DHX58: variants seen among roughly 807,000 people sequenced by gnomAD.
DHX58 encodes the protein ATP-dependent RNA helicase DHX58.
Under a neutral mutation model 65.0 loss-of-function variants are expected in DHX58, and 51 were observed. The ratio of observed to expected loss-of-function variants is 0.78; its 90% CI spans 0.63 to 0.99. The LOEUF (loss-of-function observed/expected upper bound fraction) is 0.99, where lower values mean the gene tolerates loss of function less well. Ranked by LOEUF, DHX58 falls within the 50% of genes least tolerant of loss-of-function variation. The pLI is 0.00. For synonymous variants in DHX58, 350 were observed against 365.0 expected (o/e 0.96, Z 0.47); for missense variants, 773 against 891.8 (o/e 0.87, Z 1.70).
In DHX58 at chr17:42,107,738, T is replaced by C; in HGVS notation, c.863A>G (p.Asn288Ser). 1 of 1,604,818 alleles carries C rather than the reference T, an allele frequency of 6.2e-7. No individual in the cohort carries two copies. The highest frequency in any genetic ancestry group is 8.5e-7 in the Non-Finnish European group (1 of 1,175,522). ...GGTGTCATGGATGAGCAGCGCGTCA[T>C]TGTAGCGCCTCAGGTGAAGCGCATA... ...RVYALHLRRY[N>S]DALLIHDTVR... is the part of the protein sequence containing the mutation. The change falls in exon 8 of 14, where the codon AAT becomes AGT. Residue 288 changes from asparagine to serine, a missense_variant. Physicochemically the swap from Asn to Ser is conservative, Grantham distance 46 (BLOSUM62 1). Coordinates refer to ENST00000251642, the MANE Select transcript of DHX58 (RefSeq NM_024119.3).
At position 42,101,581 on chromosome 17, in the gene DHX58, T is replaced by C; in HGVS notation, c.*180A>G. The C allele has an allele frequency of 2.7e-6, 2 of 732,768 alleles. No individual in the cohort carries two copies. Among genetic ancestry groups the C allele is most frequent in the Non-Finnish European group, 4.4e-6 (2 of 449,852 alleles). 45.4% of individuals were successfully genotyped at this position (732,768 alleles called of 1,614,324 possible). On this transcript the variant is annotated 3_prime_UTR_variant, in exon 14 of 14. Transcript: ENST00000251642. ...ATGTGCGTACAAGGTAGGTCTGGAC[T>C]AAGCTCTGGCCCTCCGGTTGTTTTC...
intron 8 of DHX58, 100 bp from the exon 9 acceptor site, chr17:42,106,089 G>A (rs2054053830): frequency 3.0e-6 from 4 of 1,325,950 alleles, no homozygotes; most frequent in Admixed American, 2.2e-5. Flanking sequence ...AGCCTAGGAG[G>A]TCAAGGCTGA....
intron 8 of DHX58, among the ~76,000 whole-genome samples, chr17:42,106,883 C>T (rs2054069827): frequency 6.6e-6 from 1 of 152,154 alleles, no homozygotes; most frequent in Admixed American, 6.5e-5. Context: ...TCATACAGTA[C>T]AGAACCTCAG....
intron 8 of DHX58, among the ~76,000 whole-genome samples, chr17:42,106,985 C>T (rs1357108365): frequency 3.9e-5 from 6 of 152,148 alleles, no homozygotes; most frequent in Admixed American, 1.3e-4. Flanking sequence ...CCAGCCTGTG[C>T]TGCGATTTGC....
intron 8 of DHX58, among the ~76,000 whole-genome samples, chr17:42,107,326 A>G (rs11868073): frequency 0.049 from 7,387 of 151,566 alleles, 193 homozygotes; most frequent in Non-Finnish European, 0.057. Flanking sequence ...TGATTGCACA[A>G]CTGTCCTCCA....
chr17:42,105,674 T>A, intron 9 of DHX58, 62 bp downstream of exon 9: 4 of 1,507,188 alleles, frequency 2.7e-6, no homozygotes, highest in Non-Finnish European at 3.5e-6. Context: ...AAGACCCTGT[T>A]CCCCGCACTT....
At chr17:42,105,430 C>T (rs899280532) in intron 9 of DHX58, among the ~76,000 whole-genome samples, 6 of 152,118 alleles carry the variant, frequency 3.9e-5, no homozygotes, top group African/African-American at 1.4e-4. Context: ...AAGCCATAGT[C>T]TTCTGCAAGG....
At chr17:42,106,650 A>T (rs1000173934) in intron 8 of DHX58, among the ~76,000 whole-genome samples, 15 of 151,660 alleles carry the variant, frequency 9.9e-5, no homozygotes, top group Admixed American at 8.5e-4. Context: ...ATACAAAAAA[A>T]TTAGCTGGGC....
chr17:42,101,739 G>A lies in DHX58; in HGVS notation c.*22C>T, dbSNP rs1555661554. On this transcript the variant is annotated 3_prime_UTR_variant, in exon 14 of 14. Coordinates refer to ENST00000251642, the MANE Select transcript of DHX58 (RefSeq NM_024119.3). ...TCTCCCGCCCCCTACAGCCCAAACC[G>A]GGCACTGCAGCAATGAGGTGGTCAG... 9 of 1,610,866 alleles carry A rather than the reference G, an allele frequency of 5.6e-6. No individual in the cohort carries two copies. Among genetic ancestry groups the A allele is most frequent in the South Asian group, 2.2e-5 (2 of 90,928 alleles).
In DHX58 at chr17:42,102,143, T is replaced by G. The variant is rs2053988673; in HGVS notation, c.1851+73A>C. ...GGTGGGACTGTCTCCCGTGTCCTAGTGAGGGCTCCCTGAGGGCCTCTGAAG... is the reference window on the plus strand; with the variant it reads ...GGTGGGACTGTCTCCCGTGTCCTAGGGAGGGCTCCCTGAGGGCCTCTGAAG... On this transcript the variant is annotated intron_variant, in intron 13 of 13. Transcript: ENST00000251642. 2.7e-5 allele frequency: 42 copies of G among 1,556,588 alleles called. 1 individual carries two copies. In the South Asian group the frequency reaches 4.6e-4, roughly 17 times the overall value.
rs2054162367 is a variant in DHX58 at position 42,111,894 on chromosome 17, C to G, written c.-1-1G>C. ...CCATTGGTAGGACCGAAGCTCCATT[C>G]TGGGAATGGCAGGGGACTCAGACCC... On this transcript the variant is annotated splice_acceptor_variant, in intron 2 of 13. Transcript: ENST00000251642. LOFTEE classifies it low-confidence loss of function (5UTR_SPLICE). 3 of 1,605,104 alleles carry G rather than the reference C, an allele frequency of 1.9e-6. No individual in the cohort carries two copies. Among genetic ancestry groups the G allele is most frequent in the Admixed American group, 1.7e-5 (1 of 59,462 alleles).
chr17:42,111,767 T>C lies in DHX58; in HGVS notation c.126A>G (p.Leu42=), dbSNP rs1555664360. 8.1e-6 allele frequency: 13 copies of C among 1,613,888 alleles called. No individual in the cohort carries two copies. The highest frequency in any genetic ancestry group is 1.6e-4 in the Middle Eastern group (1 of 6,084). ...RAAAYVAKRH[L]ETVDGAKVVV... ...CCACCTTGGCTCCATCCACAGTCTC[T>C]AGGTGCCGCTTGGCCACATAAGCAG... is the stretch of plus-strand genomic sequence containing the variant. The change falls in exon 3 of 14, where the codon CTA becomes CTG. Residue 42 remains leucine (L), a synonymous_variant. Transcript: ENST00000251642.
rs782296931 is a variant in DHX58, at chr17:42,104,854, C to T, written c.1475G>A (p.Arg492Gln). 4.3e-6 allele frequency: 7 copies of T among 1,614,068 alleles called. No homozygotes were observed. Among genetic ancestry groups the T allele is most frequent in the Non-Finnish European group, 4.2e-6 (5 of 1,180,040 alleles). Residue 492 changes from arginine (R) to glutamine (Q), a missense_variant, in exon 11 of 14, where the codon CGG becomes CAG. By Grantham distance (43) the Arg-to-Gln change is conservative. Coordinates refer to ENST00000251642, the MANE Select transcript of DHX58 (RefSeq NM_024119.3). ...CTCCAGCGCCTCGTTGATCAGCTCCCGCTTCAGCTCCCGGCTACCTTCAGT... is the reference window on the plus strand; with the variant it reads ...CTCCAGCGCCTCGTTGATCAGCTCCTGCTTCAGCTCCCGGCTACCTTCAGT... ...VATEGSRELK[R>Q]ELINEALETL...
intron 8 of DHX58, among the ~76,000 whole-genome samples, chr17:42,106,266 GAGAA>G (rs1240187015): frequency 1.5e-4 from 20 of 136,236 alleles, no homozygotes; most frequent in African/African-American, 4.7e-4. Flanking sequence ...GAAAGAGAGA[GAGAA>G]AGAGAGAAGG....
Position 42,104,781 on chromosome 17 carries a change from G to C in DHX58, c.1548C>G (p.Ala516=). Residue 516 remains alanine, a synonymous_variant, in exon 11 of 14, where the codon GCC becomes GCG. Coordinates refer to ENST00000251642, the MANE Select transcript of DHX58 (RefSeq NM_024119.3). Reference sequence around the variant, plus strand: ...GCCTGCAGACCTTGGCCTGGTACTCGGCCTGGTCCATTTTCTGCACAGCAG... The same window carrying C: ...GCCTGCAGACCTTGGCCTGGTACTCCGCCTGGTCCATTTTCTGCACAGCAG... ...AVAAVQKMDQ[A]EYQAKIRDLQ... 6.2e-7 allele frequency: 1 copy of C among 1,613,938 alleles called. No homozygotes were observed.
intron 11 of DHX58, 56 bp from the exon 12 acceptor site, chr17:42,103,854 G>A: frequency 6.5e-7 from 1 of 1,540,642 alleles, no homozygotes; most frequent in Non-Finnish European, 8.7e-7. Context: ...GTTCCTTGGG[G>A]GACAAAAGGT....
Position 42,111,703 on chromosome 17 carries a change from G to A in DHX58, c.168+22C>T, listed in dbSNP as rs782709217. On this transcript the variant is annotated intron_variant, in intron 3 of 13. Coordinates refer to ENST00000251642, the MANE Select transcript of DHX58 (RefSeq NM_024119.3). ...AGACCCTGCTTGGTGGTGGGAGAGC[G>A]GGGTAGGGACAGACCACTCACCCTG... 2.2e-5 allele frequency: 35 copies of A among 1,592,342 alleles called. 1 individual carries two copies. Among genetic ancestry groups the A allele is most frequent in the African/African-American group, 5.4e-5 (4 of 74,546 alleles).
At chr17:42,102,399 G>A (rs1302789959) in intron 12 of DHX58, 87 bp from the exon 13 acceptor site, 4 of 1,202,290 alleles carry the variant, frequency 3.3e-6, no homozygotes, top group Non-Finnish European at 4.9e-6. Context: ...GTCTCTGCCT[G>A]GACCTTGGGC....
chr17:42,104,057 C>T (rs782240814), intron 11 of DHX58, among the ~76,000 whole-genome samples: 2 of 152,110 alleles, frequency 1.3e-5, no homozygotes, highest in Non-Finnish European at 2.9e-5. Flanking sequence ...AACCCCATCT[C>T]TACTGAAAAT....
Sources: gnomAD v4.1 joint callset for allele counts (sites outside exome capture counted in the v4.1 genomes callset) on GRCh38, gnomAD v4.1.1 for gene constraint, MANE v1.5 for transcripts, NCBI Gene and HGNC (gene_info 2026-07-23, HGNC 2026-07-21) for gene names.